Variants in EGFLAM observed in about 807,000 individuals in gnomAD.
The protein encoded by EGFLAM is EGF like, fibronectin type III and laminin G domains, also known as pikachurin.
Under a neutral mutation model 113.1 loss-of-function variants are expected in EGFLAM, and 79 were observed. The ratio of observed to expected loss-of-function variants is 0.70; its 90% CI spans 0.58 to 0.84. EGFLAM has a LOEUF of 0.84. Among genes scored for constraint, EGFLAM ranks in the 40% least tolerant of loss-of-function variants. The probability of loss-of-function intolerance (pLI) is 0.00; values close to 1 mark genes in which losing one functional copy is unlikely to be tolerated. For missense variants in EGFLAM, 1,265 were observed against 1,291.6 expected, an observed-to-expected ratio of 0.98 and a Z score of 0.32; for synonymous variants, 504 against 487.6, an observed-to-expected ratio of 1.03 and a Z score of -0.44.
intron 1 of EGFLAM, chr5:38,284,239 T>A (rs1561262674): frequency 1.3e-5 from 2 of 152,202 alleles, no homozygotes; most frequent in South Asian, 2.1e-4. Context: ...AACACTTTTT[T>A]AAAACACAGT....
intron 2 of EGFLAM, 25 bp downstream of exon 2, chr5:38,337,654 C>T (rs1438321812): frequency 6.4e-7 from 1 of 1,560,484 alleles, no homozygotes; most frequent in Admixed American, 1.8e-5. Flanking sequence ...ATGGGAGTTT[C>T]CTCGGTGGGT....
At chr5:38,314,064 G>T (rs547619334) in intron 1 of EGFLAM, among the ~76,000 whole-genome samples, 5 of 152,326 alleles carry the variant, frequency 3.3e-5, no homozygotes, top group African/African-American at 1.2e-4. Flanking sequence ...TTATGCTGGG[G>T]TGAATGGGTG....
At position 38,258,955 on chromosome 5, in the gene EGFLAM, AACGTCT is replaced by A. The variant is rs1757428485; in HGVS notation, c.97+105_97+110del. On this transcript the variant is annotated intron_variant, in intron 1 of 21. Transcript: ENST00000322350. ...GCGCACCGCCTCCCTCTCCCCGACCAACGTCTGCTTAACTCGCTTCAGCTCTGCCAG... is the reference window on the plus strand; with the variant it reads ...GCGCACCGCCTCCCTCTCCCCGACCAGCTTAACTCGCTTCAGCTCTGCCAG... 3 of 1,246,384 alleles carry A rather than the reference AACGTCT, an allele frequency of 2.4e-6. No individual in the cohort carries two copies. The South Asian group carries it at 4.5e-5, about 19-fold the overall frequency. The allele number at this position is 1,246,384 out of a possible 1,614,324, so 77.2% of individuals were successfully genotyped here. A position where few individuals can be genotyped will look rare whatever the true frequency, so the allele number is the denominator to read the frequency against.
chr5:38,338,472 A>G (rs1334996238), intron 2 of EGFLAM, among the ~76,000 whole-genome samples: 1 of 152,192 alleles, frequency 6.6e-6, no homozygotes, highest in African/African-American at 2.4e-5. Flanking sequence ...AGACCTCTGC[A>G]TTTCACTTCA....
chr5:38,264,675 T>A (rs142629937), intron 1 of EGFLAM, among the ~76,000 whole-genome samples: 3 of 152,142 alleles, frequency 2.0e-5, no homozygotes, highest in African/African-American at 7.2e-5. Flanking sequence ...AGCATGGCAA[T>A]TGGGGGAGAT....
At chr5:38,298,665 TTATTATA>T (rs1758503408) in intron 1 of EGFLAM, among the ~76,000 whole-genome samples, 1 of 152,186 alleles carries the variant, frequency 6.6e-6, no homozygotes, top group Non-Finnish European at 1.5e-5. Flanking sequence ...TGTGGAATGT[TTATTATA>T]TATTAAGCAT....
chr5:38,265,093 T>G (rs1405521361), intron 1 of EGFLAM, among the ~76,000 whole-genome samples: 2 of 152,186 alleles, frequency 1.3e-5, no homozygotes, highest in Non-Finnish European at 2.9e-5. Context: ...GCAAGACTTG[T>G]TTTTCCGAAT....
intron 2 of EGFLAM, among the ~76,000 whole-genome samples, chr5:38,337,896 C>A (rs1739229516): frequency 6.6e-6 from 1 of 152,106 alleles, no homozygotes; most frequent in Non-Finnish European, 1.5e-5. Context: ...ATGGTTTTTG[C>A]TATTCAGTTG....
intron 1 of EGFLAM, among the ~76,000 whole-genome samples, chr5:38,300,651 A>G (rs1758554101): frequency 6.6e-6 from 1 of 152,206 alleles, no homozygotes; most frequent in Admixed American, 6.5e-5. Flanking sequence ...CTGGGATTAC[A>G]GGCATGAGCC....
chr5:38,364,526 G>A (rs955571818), intron 5 of EGFLAM, among the ~76,000 whole-genome samples: 2 of 152,052 alleles, frequency 1.3e-5, no homozygotes, highest in African/African-American at 4.8e-5. Context: ...GAGATGGGTC[G>A]GTGAGGGTCA....
intron 19 of EGFLAM, among the ~76,000 whole-genome samples, chr5:38,451,847 C>T (rs1742923720): frequency 6.6e-6 from 1 of 151,876 alleles, no homozygotes; most frequent in African/African-American, 2.4e-5. Context: ...CAAAAATTAG[C>T]CGGGTGTGGT....
intron 1 of EGFLAM, among the ~76,000 whole-genome samples, chr5:38,301,753 A>G (rs1407204402): frequency 6.6e-6 from 1 of 152,086 alleles, no homozygotes; most frequent in Non-Finnish European, 1.5e-5. Flanking sequence ...ATGGGAAGAA[A>G]AAGAGCTACG....
At position 38,317,676 on chromosome 5, in the gene EGFLAM, A is replaced by G. The variant is rs1311305336; in HGVS notation, c.98-19844A>G. ...ATCTCTATTCTTTGAAAGACAGGAA[A>G]TGTCAACCCTTTTGTACTACATACA... On this transcript the variant is annotated intron_variant, in intron 1 of 21. Coordinates refer to ENST00000322350, the MANE Select transcript of EGFLAM (RefSeq NM_152403.4). Among the ~76,000 whole-genome samples, 3 of 152,214 alleles carry G rather than the reference A, an allele frequency of 2.0e-5. No homozygotes were observed. The East Asian group carries it at 5.8e-4, about 29-fold the overall frequency.
intron 5 of EGFLAM, among the ~76,000 whole-genome samples, chr5:38,354,695 A>C (rs1438677009): frequency 6.6e-6 from 1 of 152,068 alleles, no homozygotes; most frequent in Non-Finnish European, 1.5e-5. Context: ...ACACCACTGC[A>C]CTCTAGCCTG....
intron 1 of EGFLAM, among the ~76,000 whole-genome samples, chr5:38,269,954 C>T (rs550625708): frequency 9.8e-5 from 15 of 152,310 alleles, no homozygotes; most frequent in East Asian, 7.7e-4. Context: ...ATCAACCCAG[C>T]GGTGTTTCTG....
chr5:38,306,732 C>A (rs1231430757), intron 1 of EGFLAM, among the ~76,000 whole-genome samples: 3 of 152,170 alleles, frequency 2.0e-5, no homozygotes, highest in Non-Finnish European at 2.9e-5. Flanking sequence ...CTGTAGTACC[C>A]TCTCCTTGGA....
rs80164876 is a variant in EGFLAM, at chr5:38,464,142, A to G, written c.*156A>G. On this transcript the variant is annotated 3_prime_UTR_variant, in exon 22 of 22. Transcript: ENST00000322350. ...CACTGATGAGAAACTGAGAACCAAG[A>G]CAGGCATCCCTGGGTGGCCTTTCCT... 0.024 allele frequency: 23,800 copies of G among 1,012,426 alleles called. 381 individuals carry two copies. Among genetic ancestry groups the G allele is most frequent in the Non-Finnish European group, 0.029 (20,900 of 716,614 alleles). 62.7% of individuals were successfully genotyped at this position (1,012,426 alleles called of 1,614,324 possible). A position where few individuals can be genotyped will look rare whatever the true frequency, so the allele number is the denominator to read the frequency against.
chr5:38,281,513 A>G (rs141183514), intron 1 of EGFLAM, among the ~76,000 whole-genome samples: 7 of 152,338 alleles, frequency 4.6e-5, no homozygotes, highest in African/African-American at 1.7e-4. Flanking sequence ...TCTGTTTGCT[A>G]AATCTGAGAA....
intron 6 of EGFLAM, among the ~76,000 whole-genome samples, chr5:38,373,630 A>G (rs147226759): frequency 4.3e-4 from 65 of 152,326 alleles, no homozygotes; most frequent in African/African-American, 1.5e-3. Context: ...TCTGTAGTGT[A>G]TATATACCAC....
Sources: gnomAD v4.1 joint callset for allele counts (sites outside exome capture counted in the v4.1 genomes callset) on GRCh38, gnomAD v4.1.1 for gene constraint, MANE v1.5 for transcripts, NCBI Gene and HGNC (gene_info 2026-07-23, HGNC 2026-07-21) for gene names.